Variants in ASXL3 observed in about 807,000 individuals in gnomAD.
ASXL3 encodes the protein ASXL transcriptional regulator 3.
A neutral mutation model predicts 170.6 loss-of-function variants in ASXL3; 34 were observed. The observed-to-expected ratio is 0.20, with a 90% confidence interval of 0.15 to 0.27. ASXL3 has a LOEUF of 0.27. Among genes scored for constraint, ASXL3 ranks in the 10% least tolerant of loss-of-function variants. The probability of loss-of-function intolerance (pLI) is 1.00; values close to 1 mark genes in which losing one functional copy is unlikely to be tolerated. For synonymous variants in ASXL3, 1,002 were observed against 989.1 expected (o/e 1.01, Z -0.24); for missense variants, 2,592 against 2,695.3 (o/e 0.96, Z 0.85).
intron 7 of ASXL3, among the ~76,000 whole-genome samples, chr18:33,678,323 C>G: frequency 6.6e-6 from 1 of 152,140 alleles, no homozygotes. Flanking sequence ...TCTTGTCTGC[C>G]TGGTCTGCCT....
chr18:33,600,268 A>T (rs1409529575), intron 1 of ASXL3, among the ~76,000 whole-genome samples: 3 of 152,164 alleles, frequency 2.0e-5, no homozygotes, highest in Non-Finnish European at 4.4e-5. Context: ...TGAATCCCAT[A>T]ATTGTAAACT....
chr18:33,675,783 T>TTG lies in ASXL3; in HGVS notation c.715+3917_715+3918insTG, dbSNP rs1255706451. Among the ~76,000 whole-genome samples, 3 of 152,090 alleles carry TTG rather than the reference T, an allele frequency of 2.0e-5. No homozygotes were observed. In the East Asian group the frequency reaches 5.8e-4, roughly 29 times the overall value. ...AGTATGTTCTCTCAACACTCTTCAG[T>TTG]ACAGGAGGCACCATGGACCCCCTCA... On this transcript the variant is annotated intron_variant, in intron 7 of 11. Transcript: ENST00000269197.
intron 4 of ASXL3, among the ~76,000 whole-genome samples, chr18:33,646,787 T>C (rs2065920623): frequency 7.0e-6 from 1 of 143,584 alleles, no homozygotes; most frequent in Non-Finnish European, 1.5e-5. Flanking sequence ...CTCAGTGTTA[T>C]CATTCCTCAC....
chr18:33,646,850 G>C (rs2065921430), intron 4 of ASXL3, among the ~76,000 whole-genome samples: 1 of 125,790 alleles, frequency 7.9e-6, no homozygotes, highest in African/African-American at 3.0e-5. Flanking sequence ...TTTAAGAAGT[G>C]AGTGAACCTT....
rs769668170 is a variant in ASXL3 at position 33,661,679 on chromosome 18, C to T, written c.419C>T (p.Ala140Val). The T allele has an allele frequency of 4.8e-5, 77 of 1,612,470 alleles. No homozygotes were observed. The highest frequency in any genetic ancestry group is 1.6e-4 in the Middle Eastern group (1 of 6,078). ...CGAGATTCAAGCCTTACTAACACAG[C>T]AGTGCAAAGCAAGTTAGTGTCTTCC... ...STRDSSLTNT[A>V]VQSKLVSSFQ... Residue 140 changes from alanine to valine, a missense_variant, in exon 5 of 12, where the codon GCA becomes GTA. This residue lies in a region of ASXL3 where 251 missense variants were observed against 281.9 expected (regional missense o/e 0.89). Transcript: ENST00000269197.
chr18:33,733,304 G>A (rs1291461559), intron 9 of ASXL3, among the ~76,000 whole-genome samples: 1 of 151,952 alleles, frequency 6.6e-6, no homozygotes, highest in Non-Finnish European at 1.5e-5. Context: ...TTAAATTCAC[G>A]AGCTTCTCTT....
At chr18:33,597,224 G>T (rs920358832) in intron 1 of ASXL3, among the ~76,000 whole-genome samples, 1 of 151,922 alleles carries the variant, frequency 6.6e-6, no homozygotes. Context: ...AATTATTAAC[G>T]CTAATATTTT....
intron 1 of ASXL3, chr18:33,579,081 A>C (rs2064971278): frequency 6.4e-6 from 1 of 155,422 alleles, no homozygotes; most frequent in African/African-American, 2.4e-5. Flanking sequence ...CCGGAATTTC[A>C]TCAATAACTC....
chr18:33,746,269 A>G lies in ASXL3; in HGVS notation c.6421A>G (p.Lys2141Glu), dbSNP rs2067791082. The change falls in exon 12 of 12, where the codon AAA becomes GAA. Residue 2141 changes from lysine (K) to glutamate (E), a missense_variant. By Grantham distance (56) the Lys-to-Glu change is moderately conservative. Transcript: ENST00000269197. ...GCCTTTTACCCAATTAGCTGCTCAG[A>G]AAATGCAGGTGCAGCAACAACAGCA... The part of the protein sequence containing the change: ...QKPFTQLAAQ[K>E]MQVQQQQQLC... The G allele has an allele frequency of 6.2e-6, 10 of 1,614,038 alleles. No homozygotes were observed. The highest frequency in any genetic ancestry group is 8.5e-6 in the Non-Finnish European group (10 of 1,179,902).
At chr18:33,676,096 C>T (rs1327435057) in intron 7 of ASXL3, among the ~76,000 whole-genome samples, 3 of 151,316 alleles carry the variant, frequency 2.0e-5, no homozygotes, top group South Asian at 4.2e-4. Flanking sequence ...TGGTGGCAGG[C>T]ACCTGTAGTC....
chr18:33,610,761 G>A (rs2065324398), intron 2 of ASXL3, among the ~76,000 whole-genome samples: 1 of 151,930 alleles, frequency 6.6e-6, no homozygotes, highest in Non-Finnish European at 1.5e-5. Flanking sequence ...TGCATTCAGA[G>A]TTAGAAGCTT....
At chr18:33,589,279 T>C (rs2145095740) in intron 1 of ASXL3, among the ~76,000 whole-genome samples, 1 of 152,332 alleles carries the variant, frequency 6.6e-6, no homozygotes, top group South Asian at 2.1e-4. Flanking sequence ...TAGCGTAGTT[T>C]TGTGTCTGAC....
chr18:33,744,366 G>T lies in ASXL3; in HGVS notation c.4518G>T (p.Arg1506Ser). 1.2e-6 allele frequency: 2 copies of T among 1,613,954 alleles called. No individual in the cohort carries two copies. The highest frequency in any genetic ancestry group is 2.2e-5 in the South Asian group (2 of 91,082). Residue 1506 changes from arginine (R) to serine (S), a missense_variant, in exon 12 of 12, where the codon AGG becomes AGT. Physicochemically the swap from Arg to Ser is moderately radical, Grantham distance 110. Coordinates refer to ENST00000269197, the MANE Select transcript of ASXL3 (RefSeq NM_030632.3). ...TGGACCTGCAGGGCAGACCAGTGAG[G>T]ACAGAGGCATCCGTACAGCCCGTGG... ...ASLDLQGRPV[R>S]TEASVQPVAC... is the part of the protein sequence containing the mutation.
At position 33,744,559 on chromosome 18, in the gene ASXL3, G is replaced by A; in HGVS notation, c.4711G>A (p.Glu1571Lys). 6.2e-7 allele frequency: 1 copy of A among 1,611,464 alleles called. No homozygotes were observed. Among genetic ancestry groups the A allele is most frequent in the Non-Finnish European group, 8.5e-7 (1 of 1,179,188 alleles). ...ACCCCTTGTTCCAGATAAATTAAAT[G>A]AGCCGACTGCTCCCAGTCATAACTT... ...ELPLVPDKLN[E>K]PTAPSHNFAE... Residue 1571 changes from glutamate to lysine, a missense_variant, in exon 12 of 12, where the codon GAG (glutamate) becomes AAG (lysine). Glu to Lys is a moderately conservative substitution (Grantham distance 56). Coordinates refer to ENST00000269197, the MANE Select transcript of ASXL3 (RefSeq NM_030632.3).
In ASXL3 at chr18:33,610,580, C is replaced by T. The variant is rs370734048; in HGVS notation, c.137+2904C>T. On this transcript the variant is annotated intron_variant, in intron 2 of 11. Coordinates refer to ENST00000269197, the MANE Select transcript of ASXL3 (RefSeq NM_030632.3). Reference sequence around the variant, plus strand: ...GGCAGGTCTCCGAGAGCACTTACCTCGCTGTACTGTAATTTTGTCTTTGTA... The same window carrying T: ...GGCAGGTCTCCGAGAGCACTTACCTTGCTGTACTGTAATTTTGTCTTTGTA... Among the ~76,000 whole-genome samples the T allele has an allele frequency of 4.7e-3, 717 of 152,094 alleles. 2 individuals carry two copies. The highest frequency in any genetic ancestry group is 0.011 in the African/African-American group (466 of 41,516).
intron 8 of ASXL3, among the ~76,000 whole-genome samples, chr18:33,721,052 G>A (rs778040207): frequency 7.2e-5 from 11 of 151,848 alleles, no homozygotes; most frequent in South Asian, 4.2e-4. Context: ...CTGAAATATG[G>A]CTTTCCTGAT....
In ASXL3 at chr18:33,748,291, A is replaced by G. The variant is rs1365021041; in HGVS notation, c.*1696A>G. The stretch of plus-strand genomic sequence containing the variant: ...ACAAGAACACTTGTGATTTTTTTAT[A>G]ATAACCAACTATATAATATGTTTTT... On this transcript the variant is annotated 3_prime_UTR_variant, in exon 12 of 12. Transcript: ENST00000269197. 6.6e-6 allele frequency: 1 copy of G among 152,220 alleles called. No homozygotes were observed. The highest frequency in any genetic ancestry group is 1.5e-5 in the Non-Finnish European group (1 of 68,034). 9.4% of individuals were successfully genotyped at this position (152,220 alleles called of 1,614,324 possible). A position where few individuals can be genotyped will look rare whatever the true frequency, so the allele number is the denominator to read the frequency against.
intron 2 of ASXL3, among the ~76,000 whole-genome samples, chr18:33,630,064 C>T (rs575231352): frequency 1.1e-4 from 16 of 151,868 alleles, no homozygotes; most frequent in Non-Finnish European, 2.4e-4. Context: ...TCATATTTCC[C>T]TGAGGGTGAA....
At chr18:33,700,327 T>C (rs1359688511) in intron 8 of ASXL3, among the ~76,000 whole-genome samples, 1 of 151,944 alleles carries the variant, frequency 6.6e-6, no homozygotes, top group Admixed American at 6.6e-5. Flanking sequence ...TATTTTTTCA[T>C]AGAAAGGGGA....
Sources: gnomAD v4.1 joint callset for allele counts (sites outside exome capture counted in the v4.1 genomes callset) on GRCh38, gnomAD v4.1.1 for gene constraint, gnomAD v4.1.1 regional missense constraint, MANE v1.5 for transcripts, NCBI Gene and HGNC (gene_info 2026-07-23, HGNC 2026-07-21) for gene names.